MYO1E: variants seen among roughly 807,000 people sequenced by gnomAD.
MYO1E encodes myosin IE, also known as unconventional myosin-Ie.
In MYO1E, 68 loss-of-function variants were observed where a neutral mutation model predicts 151.1. The ratio of observed to expected loss-of-function variants is 0.45; its 90% CI spans 0.37 to 0.55. MYO1E has a LOEUF of 0.55. Among genes scored for constraint, MYO1E ranks in the 20% least tolerant of loss-of-function variants. The pLI, the probability that MYO1E is intolerant of heterozygous loss-of-function variation, is 0.00. For synonymous variants in MYO1E, 601 were observed against 501.7 expected (o/e 1.20, Z -2.64); for missense variants, 1,363 against 1,389.3 (o/e 0.98, Z 0.30).
intron 26 of MYO1E, among the ~76,000 whole-genome samples, chr15:59,149,063 T>G (rs12901935): frequency 0.29 from 39,210 of 134,252 alleles, 5,750 homozygotes; most frequent in Non-Finnish European, 0.41. Context: ...TTTTTTTTTT[T>G]TTTTTTTTTT....
chr15:59,195,567 T>C lies in MYO1E; in HGVS notation c.1699A>G (p.Lys567Glu). 3.7e-6 allele frequency: 6 copies of C among 1,610,768 alleles called. No individual in the cohort carries two copies. The highest frequency in any genetic ancestry group is 5.1e-6 in the Non-Finnish European group (6 of 1,176,890). ...RPTTAGSKIKKQANDLVSTLM... is the reference protein window; with the variant it reads ...RPTTAGSKIKEQANDLVSTLM... ...GTGCTCACAAGGTCATTGGCTTGTT[T>C]CTAGAAAGGAAGAACAGTATCAGAA... Residue 567 changes from lysine (K) to glutamate (E), a missense_variant and splice_region_variant, in exon 17 of 28, where the codon AAA becomes GAA. By Grantham distance (56) the Lys-to-Glu change is moderately conservative (BLOSUM62 1). Coordinates refer to ENST00000288235, the MANE Select transcript of MYO1E (RefSeq NM_004998.4).
rs2079808028 is a variant in MYO1E at position 59,202,425 on chromosome 15, G to A, written c.1617-18C>T. 6.2e-7 allele frequency: 1 copy of A among 1,607,394 alleles called. No homozygotes were observed. Among genetic ancestry groups the A allele is most frequent in the Non-Finnish European group, 8.5e-7 (1 of 1,173,980 alleles). On this transcript the variant is annotated intron_variant, in intron 15 of 27. Coordinates refer to ENST00000288235, the MANE Select transcript of MYO1E (RefSeq NM_004998.4). ...TGAAAGGCCTGGAAAAGGAGAAAGA[G>A]AATGAATTAACAATCTGTAAGTACC...
intron 1 of MYO1E, among the ~76,000 whole-genome samples, chr15:59,290,535 G>C (rs2080413031): frequency 1.3e-5 from 2 of 152,198 alleles, no homozygotes; most frequent in Non-Finnish European, 2.9e-5. Context: ...CTCGTAGCCA[G>C]CTTCAAAGTC....
chr15:59,225,083 G>A (rs2079981310), intron 7 of MYO1E, among the ~76,000 whole-genome samples: 1 of 152,360 alleles, frequency 6.6e-6, no homozygotes, highest in Admixed American at 6.5e-5. Context: ...CCTCGGAAGA[G>A]TGGAAAGCAA....
At chr15:59,260,680 G>C (rs1367362897) in intron 3 of MYO1E, among the ~76,000 whole-genome samples, 1 of 152,128 alleles carries the variant, frequency 6.6e-6, no homozygotes, top group Admixed American at 6.5e-5. Flanking sequence ...ATTAATAAAT[G>C]AAGTAATACA....
chr15:59,171,668 T>A (rs1210661741), intron 22 of MYO1E, among the ~76,000 whole-genome samples: 2 of 152,190 alleles, frequency 1.3e-5, no homozygotes, highest in African/African-American at 2.4e-5. Flanking sequence ...CCCCCTTGAT[T>A]AGAGGAGCTG....
intron 1 of MYO1E, among the ~76,000 whole-genome samples, chr15:59,274,545 C>T (rs1180879219): frequency 6.6e-6 from 1 of 152,116 alleles, no homozygotes; most frequent in African/African-American, 2.4e-5. Context: ...GTTTTTAACC[C>T]CCATAGACAT....
chr15:59,188,882 T>G (rs989321432), intron 17 of MYO1E, among the ~76,000 whole-genome samples: 13 of 152,224 alleles, frequency 8.5e-5, no homozygotes, highest in African/African-American at 2.4e-5. Flanking sequence ...TAAATGATGC[T>G]AATGCTGGTT....
chr15:59,151,720 C>A (rs1445329239), intron 26 of MYO1E, among the ~76,000 whole-genome samples: 1 of 152,078 alleles, frequency 6.6e-6, no homozygotes, highest in Admixed American at 6.5e-5. Context: ...TGAGACCAGC[C>A]TGGCCAACAT....
At chr15:59,303,747 G>A (rs1006308685) in intron 1 of MYO1E, among the ~76,000 whole-genome samples, 17 of 152,046 alleles carry the variant, frequency 1.1e-4, no homozygotes, top group East Asian at 3.9e-4. Context: ...AGGGAAAGGC[G>A]GTGGCACAAA....
rs368798501 is a variant in MYO1E at position 59,171,857 on chromosome 15, C to T, written c.2480+40G>A. ...GGAACAGCGGACCGTGATGCTGAGG[C>T]GAGAAGGGGCAGTCCTGCCTCTGCA... is the stretch of plus-strand genomic sequence containing the variant. On this transcript the variant is annotated intron_variant, in intron 22 of 27. Coordinates refer to ENST00000288235, the MANE Select transcript of MYO1E (RefSeq NM_004998.4). 2.8e-4 allele frequency: 458 copies of T among 1,613,520 alleles called. 2 individuals carry two copies. Among genetic ancestry groups the T allele is most frequent in the South Asian group, 4.0e-4 (36 of 91,052 alleles).
chr15:59,267,829 T>C (rs2080265611), intron 2 of MYO1E, among the ~76,000 whole-genome samples: 1 of 152,244 alleles, frequency 6.6e-6, no homozygotes, highest in Admixed American at 6.5e-5. Flanking sequence ...GTGGCAACAT[T>C]GATGACAAAC....
intron 22 of MYO1E, among the ~76,000 whole-genome samples, chr15:59,166,361 T>C (rs1454324062): frequency 2.6e-5 from 4 of 152,258 alleles, no homozygotes; most frequent in African/African-American, 9.6e-5. Context: ...TGTTTGACGC[T>C]GTAAGCTGTG....
At chr15:59,329,346 C>T (rs1003074957) in intron 1 of MYO1E, among the ~76,000 whole-genome samples, 5 of 152,178 alleles carry the variant, frequency 3.3e-5, no homozygotes, top group Non-Finnish European at 5.9e-5. Flanking sequence ...ACTTACCTAA[C>T]GTGCCATAGC....
chr15:59,154,313 A>C (rs1596344268), intron 25 of MYO1E, among the ~76,000 whole-genome samples: 2 of 152,130 alleles, frequency 1.3e-5, no homozygotes, highest in South Asian at 4.1e-4. Flanking sequence ...TGTGAGGCAG[A>C]GGGGGTGCTC....
intron 1 of MYO1E, among the ~76,000 whole-genome samples, chr15:59,337,289 A>G (rs1308586250): frequency 6.6e-6 from 1 of 152,252 alleles, no homozygotes; most frequent in Non-Finnish European, 1.5e-5. Context: ...TACTACAGGT[A>G]TGAAAACAAA....
chr15:59,275,110 G>A (rs2080310422), intron 1 of MYO1E, among the ~76,000 whole-genome samples: 1 of 152,166 alleles, frequency 6.6e-6, no homozygotes, highest in Non-Finnish European at 1.5e-5. Context: ...AAGCCAAGAT[G>A]TGAACCGAAG....
intron 1 of MYO1E, among the ~76,000 whole-genome samples, chr15:59,316,225 AG>A (rs1249335150): frequency 1.3e-5 from 2 of 152,232 alleles, no homozygotes; most frequent in Non-Finnish European, 2.9e-5. Context: ...ACCTGTCACA[AG>A]GGCTGTGGCT....
intron 1 of MYO1E, among the ~76,000 whole-genome samples, chr15:59,371,135 G>A (rs2080941866): frequency 6.6e-6 from 1 of 152,194 alleles, no homozygotes; most frequent in Non-Finnish European, 1.5e-5. Context: ...TTTGGCCGAG[G>A]ATGCCTTGAA....
Sources: gnomAD v4.1 joint callset for allele counts (sites outside exome capture counted in the v4.1 genomes callset) on GRCh38, gnomAD v4.1.1 for gene constraint, MANE v1.5 for transcripts, NCBI Gene and HGNC (gene_info 2026-07-23, HGNC 2026-07-21) for gene names.